BCAS3: variants seen among roughly 807,000 people sequenced by gnomAD.
The protein encoded by BCAS3 is BCAS3 microtubule associated cell migration factor.
BCAS3 carries 53 observed loss-of-function variants against 116.1 expected under a neutral mutation model. That is an observed-to-expected ratio of 0.46 (90% confidence interval 0.37 to 0.57). The LOEUF is 0.57. Ranked by LOEUF, BCAS3 falls within the 20% of genes least tolerant of loss-of-function variation. BCAS3 has a pLI of 0.00. For missense variants in BCAS3, 917 were observed against 1,165.4 expected, an observed-to-expected ratio of 0.79 and a Z score of 3.10; for synonymous variants, 391 against 408.2, an observed-to-expected ratio of 0.96 and a Z score of 0.51.
intron 6 of BCAS3, among the ~76,000 whole-genome samples, chr17:60,764,161 T>A (rs2043842184): frequency 6.6e-6 from 1 of 151,044 alleles, no homozygotes; most frequent in Non-Finnish European, 1.5e-5. Context: ...ATTCATTGAT[T>A]TTTTTTTTTG....
chr17:60,924,060 G>T (rs2145157493), intron 12 of BCAS3, among the ~76,000 whole-genome samples: 3 of 152,156 alleles, frequency 2.0e-5, no homozygotes, highest in South Asian at 2.1e-4. Flanking sequence ...TGTATTTCCT[G>T]TCCTTGGATA....
rs371008804 is a variant in BCAS3 at position 60,785,736 on chromosome 17, C to A, written c.404-22268C>A. Reference sequence around the variant, plus strand: ...TACACTGTGATCCCATTTTGTAAAACAGTTATCTAAAAAATAAAAAATCTC... The same window carrying A: ...TACACTGTGATCCCATTTTGTAAAAAAGTTATCTAAAAAATAAAAAATCTC... On this transcript the variant is annotated intron_variant, in intron 6 of 23. Transcript: ENST00000407086. Among the ~76,000 whole-genome samples the A allele has an allele frequency of 2.6e-5, 4 of 152,092 alleles. No homozygotes were observed. The East Asian group carries it at 5.8e-4, about 22-fold the overall frequency.
chr17:61,185,973 A>G (rs1046500027), intron 22 of BCAS3, among the ~76,000 whole-genome samples: 2 of 152,220 alleles, frequency 1.3e-5, no homozygotes. Flanking sequence ...AAAATACACA[A>G]TTCACACTTG....
rs561223416 is a variant in BCAS3, at chr17:61,256,478, A to G, written c.2426-111849A>G. Among the ~76,000 whole-genome samples the G allele has an allele frequency of 2.0e-5, 3 of 151,636 alleles. No individual in the cohort carries two copies. Among genetic ancestry groups the G allele is most frequent in the African/African-American group, 7.3e-5 (3 of 41,314 alleles). Reference sequence around the variant, plus strand: ...GCCACCATACCTGGCTAATTTTTGTATTTTTAGTAGAGACAGGGTTTTGCC... The same window carrying G: ...GCCACCATACCTGGCTAATTTTTGTGTTTTTAGTAGAGACAGGGTTTTGCC... On this transcript the variant is annotated intron_variant, in intron 22 of 23. Coordinates refer to ENST00000407086, the MANE Select transcript of BCAS3 (RefSeq NM_017679.5). The surrounding 1 kb of genome is among the most constrained non-coding windows in gnomAD (Gnocchi z 5.6).
intron 15 of BCAS3, among the ~76,000 whole-genome samples, chr17:60,997,995 C>G (rs1600331546): frequency 6.6e-6 from 1 of 152,292 alleles, no homozygotes; most frequent in South Asian, 2.1e-4. Context: ...CCTCCCCACC[C>G]TTTTCCTCCC....
intron 6 of BCAS3, among the ~76,000 whole-genome samples, chr17:60,784,245 G>A (rs1356286131): frequency 1.3e-5 from 2 of 151,146 alleles, no homozygotes. Flanking sequence ...AAAAAAAAAG[G>A]TGAAAATACT....
chr17:60,973,288 G>A (rs867609117), intron 14 of BCAS3, among the ~76,000 whole-genome samples: 97 of 152,060 alleles, frequency 6.4e-4, no homozygotes, highest in African/African-American at 2.2e-3. Context: ...CAGGAAAGCA[G>A]ATACTGTTCC....
At chr17:60,988,338 C>CTTTTTTTTTTT (rs71148317) in intron 14 of BCAS3, among the ~76,000 whole-genome samples, 212 of 66,690 alleles carry the variant, frequency 3.2e-3, no homozygotes, top group Non-Finnish European at 3.8e-3. Flanking sequence ...TTTTCTTTTT[C>CTTTTTTTTTTT]TTTTTTTTTT....
chr17:61,287,768 A>T (rs965369491), intron 22 of BCAS3, among the ~76,000 whole-genome samples: 2 of 152,172 alleles, frequency 1.3e-5, no homozygotes, highest in Non-Finnish European at 2.9e-5. Context: ...ACAAGCCAAA[A>T]AAGTACACTT....
intron 19 of BCAS3, among the ~76,000 whole-genome samples, chr17:61,060,643 C>T (rs1258974432): frequency 6.6e-6 from 1 of 152,146 alleles, no homozygotes; most frequent in Non-Finnish European, 1.5e-5. Flanking sequence ...TCTTTTGAAA[C>T]ATTCATAAAA....
At chr17:60,912,549 A>C (rs2145108108) in intron 12 of BCAS3, among the ~76,000 whole-genome samples, 1 of 152,250 alleles carries the variant, frequency 6.6e-6, no homozygotes, top group African/African-American at 2.4e-5. Context: ...CTGAGTAATA[A>C]TTCTCTGCCT....
intron 14 of BCAS3, among the ~76,000 whole-genome samples, chr17:60,988,916 A>G (rs977557682): frequency 6.6e-6 from 1 of 151,508 alleles, no homozygotes; most frequent in African/African-American, 2.4e-5. Context: ...TTTATCTTCT[A>G]CTAATTTTGG....
chr17:60,735,267 C>A (rs1286750472), intron 5 of BCAS3, among the ~76,000 whole-genome samples: 1 of 151,860 alleles, frequency 6.6e-6, no homozygotes, highest in East Asian at 1.9e-4. Context: ...GTGAACAAAG[C>A]CAGTTTTCTT....
intron 19 of BCAS3, among the ~76,000 whole-genome samples, chr17:61,066,536 G>A (rs1350297037): frequency 6.6e-6 from 1 of 151,920 alleles, no homozygotes; most frequent in Non-Finnish European, 1.5e-5. Flanking sequence ...TTTTTACAAG[G>A]TCTAATTTTT....
At chr17:60,881,622 G>A (rs1335680102) in intron 9 of BCAS3, among the ~76,000 whole-genome samples, 1 of 127,766 alleles carries the variant, frequency 7.8e-6, no homozygotes, top group Non-Finnish European at 1.6e-5. Context: ...CCCAGAGTGT[G>A]ATATTCCCCT....
chr17:61,262,553 G>C (rs1222525670), intron 22 of BCAS3, among the ~76,000 whole-genome samples: 1 of 151,968 alleles, frequency 6.6e-6, no homozygotes, highest in Non-Finnish European at 1.5e-5. Flanking sequence ...GCTAATTTTT[G>C]TATTGTTAGT....
At chr17:60,713,287 A>T (rs936795430) in intron 5 of BCAS3, among the ~76,000 whole-genome samples, 3 of 152,176 alleles carry the variant, frequency 2.0e-5, no homozygotes, top group Non-Finnish European at 2.9e-5. Flanking sequence ...ATTAGTATGT[A>T]CCTTCAAATA....
intron 14 of BCAS3, among the ~76,000 whole-genome samples, chr17:60,978,060 C>A (rs1360960472): frequency 1.5e-5 from 2 of 130,590 alleles, no homozygotes; most frequent in Non-Finnish European, 3.0e-5. Flanking sequence ...AGTTCTAGAT[C>A]CCTGAGGAAT....
chr17:60,754,699 A>T (rs1304179284), intron 6 of BCAS3, among the ~76,000 whole-genome samples: 1 of 38,580 alleles, frequency 2.6e-5, no homozygotes. Flanking sequence ...ACACACACAC[A>T]CACACACACA....
Sources: gnomAD v4.1 joint callset for allele counts (sites outside exome capture counted in the v4.1 genomes callset) on GRCh38, gnomAD v4.1.1 for gene constraint, Gnocchi (gnomAD v3.1) non-coding constraint, MANE v1.5 for transcripts, NCBI Gene and HGNC (gene_info 2026-07-23, HGNC 2026-07-21) for gene names.